The following XYLT1 variants were observed in gnomAD, a reference collection of about 807,000 sequenced individuals.
XYLT1 encodes the protein xylosyltransferase 1, also known as beta-D-xylosyltransferase 1.
A neutral mutation model predicts 91.3 loss-of-function variants in XYLT1; 36 were observed. The ratio of observed to expected loss-of-function variants is 0.39; its 90% CI spans 0.30 to 0.52. XYLT1 has a LOEUF of 0.52. XYLT1 is among the 20% of genes least tolerant of loss of function. The pLI is 0.68. For synonymous variants in XYLT1, 588 were observed against 532.0 expected (o/e 1.11, Z -1.45); for missense variants, 1,242 against 1,284.5 (o/e 0.97, Z 0.51).
At chr16:17,293,769 G>T (rs1187438060) in intron 2 of XYLT1, among the ~76,000 whole-genome samples, 2 of 152,096 alleles carry the variant, frequency 1.3e-5, no homozygotes, top group Admixed American at 1.3e-4. Context: ...GGTTACAGGC[G>T]TGAGCCACCA....
intron 1 of XYLT1, among the ~76,000 whole-genome samples, chr16:17,426,804 C>T (rs955398826): frequency 6.6e-6 from 1 of 152,120 alleles, no homozygotes; most frequent in Non-Finnish European, 1.5e-5. Context: ...CATTCACAGA[C>T]CTCTCATATG....
At chr16:17,273,843 CAA>C (rs567464047) in intron 2 of XYLT1, among the ~76,000 whole-genome samples, 201 of 112,028 alleles carry the variant, frequency 1.8e-3, no homozygotes, top group Middle Eastern at 5.2e-3. Context: ...GAATCTGTCT[CAA>C]AAAAAAAAAA....
At chr16:17,462,558 G>A (rs962457988) in intron 1 of XYLT1, among the ~76,000 whole-genome samples, 12 of 152,212 alleles carry the variant, frequency 7.9e-5, no homozygotes, top group Non-Finnish European at 1.6e-4. Flanking sequence ...AAGATGATCC[G>A]CACTGCATGT....
intron 5 of XYLT1, among the ~76,000 whole-genome samples, chr16:17,167,370 G>A (rs74010727): frequency 0.014 from 2,156 of 152,340 alleles, 54 homozygotes; most frequent in African/African-American, 0.05. Flanking sequence ...CTGTGCTCCT[G>A]TAAAATCTGA....
At chr16:17,285,874 CTGTGTGTGTGTGTGTGTG>C (rs56267931) in intron 2 of XYLT1, among the ~76,000 whole-genome samples, 19,908 of 145,212 alleles carry the variant, frequency 0.14, 1,428 homozygotes, top group Non-Finnish European at 0.16. Flanking sequence ...TGGTGTATCT[CTGTGTGTGTGTGTGTGTG>C]TGTGTGTGTG....
chr16:17,121,981 C>T (rs2030074699), intron 10 of XYLT1, among the ~76,000 whole-genome samples: 1 of 139,938 alleles, frequency 7.1e-6, no homozygotes, highest in South Asian at 2.2e-4. Context: ...TATATATGCG[C>T]ACACACACAC....
At chr16:17,136,039 T>C (rs1423403726) in intron 8 of XYLT1, among the ~76,000 whole-genome samples, 1 of 152,226 alleles carries the variant, frequency 6.6e-6, no homozygotes, top group Non-Finnish European at 1.5e-5. Context: ...AGTGTTATTA[T>C]TGACCTAAAG....
intron 2 of XYLT1, chr16:17,338,642 C>T (rs972550721): frequency 8.7e-5 from 33 of 379,494 alleles, no homozygotes; most frequent in Admixed American, 1.3e-4. Flanking sequence ...TTTTTTGGGA[C>T]GGAGTCTCGC....
rs1596476703 is a variant in XYLT1 at position 17,312,384 on chromosome 16, AG to A, written c.402+45627del. Among the ~76,000 whole-genome samples the A allele has an allele frequency of 3.9e-5, 6 of 152,226 alleles. No individual in the cohort carries two copies. The South Asian group carries it at 8.3e-4, about 21-fold the overall frequency. ...CATCCCTGAAATCCTCATGATCATC[AG>A]GGCTGGCATTCCTGTAGCGCTTACC... On this transcript the variant is annotated intron_variant, in intron 2 of 11. Coordinates refer to ENST00000261381, the MANE Select transcript of XYLT1 (RefSeq NM_022166.4). This position sits in a 1 kb window ranked among gnomAD's most constrained non-coding sequence, Gnocchi z 4.4.
chr16:17,397,820 A>G (rs902032546), intron 1 of XYLT1, among the ~76,000 whole-genome samples: 1 of 146,904 alleles, frequency 6.8e-6, no homozygotes, highest in Non-Finnish European at 1.5e-5. Context: ...CCATAGTTTG[A>G]ATAGCTCTTT....
chr16:17,265,238 T>C (rs989276711), intron 2 of XYLT1, among the ~76,000 whole-genome samples: 5 of 152,022 alleles, frequency 3.3e-5, no homozygotes, highest in African/African-American at 1.2e-4. Flanking sequence ...AGGAAGAGTG[T>C]ATGTAAAACT....
intron 1 of XYLT1, among the ~76,000 whole-genome samples, chr16:17,417,314 A>G (rs2036191160): frequency 6.6e-6 from 1 of 152,186 alleles, no homozygotes; most frequent in African/African-American, 2.4e-5. Flanking sequence ...TCTGGTCTTC[A>G]TTATTTGGCT....
At chr16:17,159,864 CGCAGTCGCCTCTTCT>C (rs2031505240) in intron 5 of XYLT1, among the ~76,000 whole-genome samples, 1 of 152,210 alleles carries the variant, frequency 6.6e-6, no homozygotes, top group Non-Finnish European at 1.5e-5. Context: ...CTGCCAGAAA[CGCAGTCGCCTCTTCT>C]GCTGAATAAA....
At chr16:17,286,605 C>T (rs780130919) in intron 2 of XYLT1, among the ~76,000 whole-genome samples, 4 of 152,168 alleles carry the variant, frequency 2.6e-5, no homozygotes, top group African/African-American at 4.8e-5. Context: ...AGGCACATTA[C>T]GTATATTAGC....
At chr16:17,164,451 C>A (rs1464074446) in intron 5 of XYLT1, among the ~76,000 whole-genome samples, 2 of 152,106 alleles carry the variant, frequency 1.3e-5, no homozygotes, top group Non-Finnish European at 2.9e-5. Context: ...TGTTGTGCAA[C>A]CATCACCAAT....
rs960556730 is a variant in XYLT1 at position 17,420,422 on chromosome 16, C to G, written c.363+50012G>C. Among the ~76,000 whole-genome samples, 4 of 152,064 alleles carry G rather than the reference C, an allele frequency of 2.6e-5. No individual in the cohort carries two copies. In the East Asian group the frequency reaches 7.7e-4, roughly 29 times the overall value. Reference sequence around the variant, plus strand: ...AAAGCAATTTTTAAAAACTGTATTGCATTGTTTCATACCTAAAAGAGTCCC... The same window carrying G: ...AAAGCAATTTTTAAAAACTGTATTGGATTGTTTCATACCTAAAAGAGTCCC... On this transcript the variant is annotated intron_variant, in intron 1 of 11. Transcript: ENST00000261381.
chr16:17,334,661 C>T (rs901400859), intron 2 of XYLT1, among the ~76,000 whole-genome samples: 7 of 152,116 alleles, frequency 4.6e-5, no homozygotes, highest in East Asian at 1.9e-4. Context: ...GTGAGAAGTA[C>T]ACATTTAAAA....
intron 2 of XYLT1, among the ~76,000 whole-genome samples, chr16:17,265,333 CCCCTGACAGTCTCTGCCTAGAGG>C (rs1232174499): frequency 1.3e-5 from 2 of 152,208 alleles, no homozygotes; most frequent in Non-Finnish European, 2.9e-5. Context: ...CACTCTCTCT[CCCCTGACAGTCTCTGCCTAGAGG>C]ACAGATGGGT....
At chr16:17,279,122 T>A (rs1171937190) in intron 2 of XYLT1, among the ~76,000 whole-genome samples, 1 of 152,210 alleles carries the variant, frequency 6.6e-6, no homozygotes, top group East Asian at 1.9e-4. Context: ...TGTGCCTTTT[T>A]AAATTTAATC....
Sources: gnomAD v4.1 joint callset for allele counts (sites outside exome capture counted in the v4.1 genomes callset) on GRCh38, gnomAD v4.1.1 for gene constraint, Gnocchi (gnomAD v3.1) non-coding constraint, MANE v1.5 for transcripts, NCBI Gene and HGNC (gene_info 2026-07-23, HGNC 2026-07-21) for gene names.